Variants in EYS observed in about 807,000 individuals in gnomAD.
EYS encodes protein eyes shut homolog.
In EYS, 250 loss-of-function variants were observed where a neutral mutation model predicts 282.1. That is an observed-to-expected ratio of 0.89 (90% CI 0.80 to 0.98). The LOEUF (loss-of-function observed/expected upper bound fraction) is 0.98, where lower values mean the gene tolerates loss of function less well. Among genes scored for constraint, EYS ranks in the 50% least tolerant of loss-of-function variants. The probability of loss-of-function intolerance (pLI) is 0.00; values close to 1 mark genes in which losing one functional copy is unlikely to be tolerated. For synonymous variants in EYS, 1,355 were observed against 1,282.9 expected (o/e 1.06, Z -1.20); for missense variants, 4,016 against 3,709.0 (o/e 1.08, Z -2.15).
intron 12 of EYS, among the ~76,000 whole-genome samples, chr6:65,073,660 T>TTA: frequency 6.6e-6 from 1 of 151,868 alleles, no homozygotes; most frequent in Middle Eastern, 3.4e-3. Context: ...TTAATATTTT[T>TTA]TATATATGAA....
At chr6:64,691,841 A>C (rs1931850) in intron 22 of EYS, among the ~76,000 whole-genome samples, 1 of 152,032 alleles carries the variant, frequency 6.6e-6, no homozygotes, top group Non-Finnish European at 1.5e-5. Context: ...TCATTCTTTT[A>C]TATGGTAGCA....
At chr6:64,397,416 G>A (rs148973194) in intron 28 of EYS, among the ~76,000 whole-genome samples, 1 of 152,050 alleles carries the variant, frequency 6.6e-6, no homozygotes, top group African/African-American at 2.4e-5. Context: ...ATAGCCTACT[G>A]GGCCTGAAAT....
chr6:64,609,727 A>G (rs887034358), intron 24 of EYS, among the ~76,000 whole-genome samples: 1 of 152,034 alleles, frequency 6.6e-6, no homozygotes, highest in African/African-American at 2.4e-5. Context: ...TACAAAAAAT[A>G]TTATAAAAAG....
intron 41 of EYS, among the ~76,000 whole-genome samples, chr6:63,733,917 A>G (rs1768843113): frequency 1.3e-5 from 2 of 152,146 alleles, no homozygotes. Flanking sequence ...CTGTCTTCCA[A>G]GAATATTTTC....
At chr6:65,187,441 A>G (rs1765541149) in intron 12 of EYS, among the ~76,000 whole-genome samples, 2 of 151,750 alleles carry the variant, frequency 1.3e-5, no homozygotes, top group South Asian at 4.1e-4. Flanking sequence ...ACTCATGTCA[A>G]CATGTCATTT....
At chr6:64,291,829 G>A (rs1396394223) in intron 30 of EYS, among the ~76,000 whole-genome samples, 1 of 152,008 alleles carries the variant, frequency 6.6e-6, no homozygotes, top group African/African-American at 2.4e-5. Flanking sequence ...TACGAAAAGT[G>A]TTATTCTTCT....
At chr6:64,068,368 T>G (rs967930618) in intron 32 of EYS, among the ~76,000 whole-genome samples, 5 of 152,108 alleles carry the variant, frequency 3.3e-5, no homozygotes, top group Non-Finnish European at 7.4e-5. Flanking sequence ...ATTGTAAATA[T>G]CTTCTTCAGT....
chr6:64,595,481 A>T (rs1395967883), intron 24 of EYS, among the ~76,000 whole-genome samples: 1 of 152,180 alleles, frequency 6.6e-6, no homozygotes, highest in African/African-American at 2.4e-5. Flanking sequence ...AAAATTAGAA[A>T]AAAGGAAGTC....
intron 12 of EYS, among the ~76,000 whole-genome samples, chr6:65,147,141 A>G (rs1390990937): frequency 2.0e-5 from 3 of 152,036 alleles, no homozygotes; most frequent in African/African-American, 7.2e-5. Context: ...CTTTTATTAG[A>G]TATGACTAAA....
At chr6:65,010,615 G>A (rs1349375910) in intron 13 of EYS, among the ~76,000 whole-genome samples, 1 of 152,320 alleles carries the variant, frequency 6.6e-6, no homozygotes. Context: ...TTTGAAAAGC[G>A]AGGTATGCAG....
At chr6:63,990,469 A>G (rs1414916077) in intron 34 of EYS, among the ~76,000 whole-genome samples, 1 of 151,794 alleles carries the variant, frequency 6.6e-6, no homozygotes, top group Non-Finnish European at 1.5e-5. Context: ...GAAAAGAAAT[A>G]GAAAACTAAA....
chr6:63,955,844 GT>G (rs1765794312), intron 35 of EYS, among the ~76,000 whole-genome samples: 1 of 152,056 alleles, frequency 6.6e-6, no homozygotes, highest in African/African-American at 2.4e-5. Flanking sequence ...TTTAATACCT[GT>G]TTTTCTCCTT....
At chr6:64,649,233 G>C (rs1248002622) in intron 22 of EYS, among the ~76,000 whole-genome samples, 1 of 152,066 alleles carries the variant, frequency 6.6e-6, no homozygotes, top group African/African-American at 2.4e-5. Context: ...CAACATTCCA[G>C]ATTTGCCACT....
intron 35 of EYS, among the ~76,000 whole-genome samples, chr6:63,880,086 G>A (rs535527148): frequency 2.0e-5 from 3 of 152,112 alleles, no homozygotes; most frequent in African/African-American, 4.8e-5. Flanking sequence ...GCATGGTGAC[G>A]GTTAATACTG....
intron 31 of EYS, among the ~76,000 whole-genome samples, chr6:64,191,542 T>C (rs902211966): frequency 6.8e-6 from 1 of 148,124 alleles, no homozygotes; most frequent in African/African-American, 2.5e-5. Flanking sequence ...TGTGTTCTCA[T>C]TGTTCAATTC....
In EYS at chr6:65,405,263, C is replaced by A. The variant is rs746499646; in HGVS notation, c.967G>T (p.Gly323Ter). Residue 323 changes from glycine to a stop codon, truncating the protein, a stop_gained, in exon 6 of 43, where the codon GGA (glycine) becomes TGA (stop). Coordinates refer to ENST00000503581, the MANE Select transcript of EYS (RefSeq NM_001142800.2). LOFTEE classifies it high-confidence loss of function. Reference sequence around the variant, plus strand: ...GTTTCACCATTTTGGCTGGAAGATCCTTTTGGGCATTCATAAGTATAAGCA... The same window carrying A: ...GTTTCACCATTTTGGCTGGAAGATCATTTTGGGCATTCATAAGTATAAGCA... ...SSAYTYECPK[G>*]SSSQNGETDV... 6.2e-6 allele frequency: 10 copies of A among 1,613,020 alleles called. No individual in the cohort carries two copies. Among genetic ancestry groups the A allele is most frequent in the African/African-American group, 5.3e-5 (4 of 74,790 alleles).
chr6:63,849,522 C>A (rs905936562), intron 36 of EYS, among the ~76,000 whole-genome samples: 2 of 152,126 alleles, frequency 1.3e-5, no homozygotes, highest in African/African-American at 4.8e-5. Flanking sequence ...CTGGTGATAC[C>A]CATGCAAACA....
intron 2 of EYS, among the ~76,000 whole-genome samples, chr6:65,518,300 T>C (rs79627402): frequency 0.015 from 2,351 of 152,240 alleles, 79 homozygotes; most frequent in African/African-American, 0.054. Flanking sequence ...ACCCATATCT[T>C]ATAAAAATTA....
At chr6:65,539,510 T>G (rs1489907453) in intron 2 of EYS, among the ~76,000 whole-genome samples, 1 of 152,178 alleles carries the variant, frequency 6.6e-6, no homozygotes, top group African/African-American at 2.4e-5. Flanking sequence ...CTCAACATAG[T>G]TTATAATGAA....
Sources: gnomAD v4.1 joint callset for allele counts (sites outside exome capture counted in the v4.1 genomes callset) on GRCh38, gnomAD v4.1.1 for gene constraint, MANE v1.5 for transcripts, NCBI Gene and HGNC (gene_info 2026-07-23, HGNC 2026-07-21) for gene names.